Variants in JAKMIP2 observed in about 807,000 individuals in gnomAD.
JAKMIP2 encodes janus kinase and microtubule interacting protein 2.
Under a neutral mutation model 115.0 loss-of-function variants are expected in JAKMIP2, and 25 were observed. That is an observed-to-expected ratio of 0.22 (90% confidence interval 0.16 to 0.30). The LOEUF (loss-of-function observed/expected upper bound fraction) is 0.30. JAKMIP2 is among the 10% of genes least tolerant of loss of function. The pLI, the probability that JAKMIP2 is intolerant of heterozygous loss-of-function variation, is 1.00. For synonymous variants in JAKMIP2, 334 were observed against 343.6 expected (o/e 0.97, Z 0.31); for missense variants, 642 against 957.6 (o/e 0.67, Z 4.35).
chr5:147,611,146 A>G (rs767406133), intron 20 of JAKMIP2, among the ~76,000 whole-genome samples: 4 of 152,166 alleles, frequency 2.6e-5, no homozygotes, highest in Non-Finnish European at 5.9e-5. Context: ...CCGCTGAGCA[A>G]GACCACTTGG....
chr5:147,661,425 C>G lies in JAKMIP2; in HGVS notation c.150G>C (p.Glu50Asp). ...GAATCCTCTTCGCTTCTTGAGTCTTCTCTCTTTCAAGCTTTGATACCTAAA... is the reference window on the plus strand; with the variant it reads ...GAATCCTCTTCGCTTCTTGAGTCTTGTCTCTTTCAAGCTTTGATACCTAAA... ...EKSKVSKLER[E>D]KTQEAKRIRE... is the part of the protein sequence containing the mutation. Residue 50 changes from glutamate to aspartate, a missense_variant, in exon 3 of 22, where the codon GAG (glutamate) becomes GAC (aspartate). This residue lies in a region of JAKMIP2 where 439 missense variants were observed against 570.9 expected (regional missense o/e 0.77). Coordinates refer to ENST00000616793, the MANE Select transcript of JAKMIP2 (RefSeq NM_001270941.2). The G allele has an allele frequency of 4.3e-6, 7 of 1,612,100 alleles. No individual in the cohort carries two copies. The highest frequency in any genetic ancestry group is 5.9e-6 in the Non-Finnish European group (7 of 1,179,422).
Position 147,746,152 on chromosome 5 carries a change from T to C in JAKMIP2, c.-149+36304A>G, listed in dbSNP as rs984222352. Among the ~76,000 whole-genome samples the C allele has an allele frequency of 3.3e-5, 5 of 152,168 alleles. No homozygotes were observed. In the East Asian group the frequency reaches 7.7e-4, roughly 23 times the overall value. On this transcript the variant is annotated intron_variant, in intron 1 of 21. Coordinates refer to ENST00000616793, the MANE Select transcript of JAKMIP2 (RefSeq NM_001270941.2). The stretch of plus-strand genomic sequence containing the variant: ...TATGCAGTTAGAAAGAACTGGACTT[T>C]TGCATGCATCAGACTCAGCCAGAGG...
rs1481761147 is a variant in JAKMIP2 at position 147,590,756 on chromosome 5, G to A, written c.*951C>T. 6.6e-6 allele frequency: 1 copy of A among 152,148 alleles called. No individual in the cohort carries two copies. The highest frequency in any genetic ancestry group is 1.5e-5 in the Non-Finnish European group (1 of 68,024). 9.4% of individuals were successfully genotyped at this position (152,148 alleles called of 1,614,324 possible). ...GATTCAGAGATGCTCTCTGGCCCAT[G>A]TTCCCTATAGATGTTGGCGTTCTAA... On this transcript the variant is annotated 3_prime_UTR_variant, in exon 22 of 22. Coordinates refer to ENST00000616793, the MANE Select transcript of JAKMIP2 (RefSeq NM_001270941.2).
chr5:147,758,031 A>G (rs1254490164), intron 1 of JAKMIP2, among the ~76,000 whole-genome samples: 1 of 152,122 alleles, frequency 6.6e-6, no homozygotes, highest in African/African-American at 2.4e-5. Context: ...TAACTTACAA[A>G]GGATAAATTT....
chr5:147,686,871 T>A (rs1053970947), intron 1 of JAKMIP2, among the ~76,000 whole-genome samples: 1 of 152,204 alleles, frequency 6.6e-6, no homozygotes, highest in Admixed American at 6.5e-5. Context: ...ACCTGGCACA[T>A]GAAACTAGGA....
chr5:147,648,905 GAGT>G (rs1294772752), intron 4 of JAKMIP2, among the ~76,000 whole-genome samples: 1 of 152,178 alleles, frequency 6.6e-6, no homozygotes, highest in Non-Finnish European at 1.5e-5. Flanking sequence ...AGAGGGGAGA[GAGT>G]AGGAGGTAGG....
At chr5:147,615,914 CTG>C (rs1756551797) in intron 19 of JAKMIP2, among the ~76,000 whole-genome samples, 1 of 152,022 alleles carries the variant, frequency 6.6e-6, no homozygotes, top group Non-Finnish European at 1.5e-5. Flanking sequence ...ATGAAAGGTC[CTG>C]CACGTGCCTG....
chr5:147,727,965 T>C (rs1293431811), intron 1 of JAKMIP2, among the ~76,000 whole-genome samples: 2 of 152,200 alleles, frequency 1.3e-5, no homozygotes, highest in African/African-American at 4.8e-5. Context: ...GGCCACAGAC[T>C]GCGTTTTGGG....
intron 1 of JAKMIP2, among the ~76,000 whole-genome samples, chr5:147,757,903 C>T (rs1430247692): frequency 6.6e-6 from 1 of 152,032 alleles, no homozygotes; most frequent in Non-Finnish European, 1.5e-5. Context: ...GGTTCTGTTT[C>T]TTCTTTTTTG....
At chr5:147,623,997 G>A (rs1312319379) in intron 16 of JAKMIP2, among the ~76,000 whole-genome samples, 4 of 151,918 alleles carry the variant, frequency 2.6e-5, no homozygotes, top group African/African-American at 9.7e-5. Context: ...ACCACGCCTG[G>A]CTAATTTTTG....
At chr5:147,622,458 C>T (rs74583623) in intron 17 of JAKMIP2, among the ~76,000 whole-genome samples, 13,656 of 152,250 alleles carry the variant, frequency 0.09, 808 homozygotes, top group Non-Finnish European at 0.14. Context: ...CTGTCTGTTT[C>T]TAAGTTGGAT....
At chr5:147,702,694 A>AAAGAGAAAG (rs1268203224) in intron 1 of JAKMIP2, among the ~76,000 whole-genome samples, 4 of 141,226 alleles carry the variant, frequency 2.8e-5, no homozygotes, top group African/African-American at 1.2e-4. Flanking sequence ...GAAAGAAAAG[A>AAAGAGAAAG]AAAGAAAAGA....
At chr5:147,674,304 A>G (rs1759803136) in intron 1 of JAKMIP2, among the ~76,000 whole-genome samples, 1 of 152,208 alleles carries the variant, frequency 6.6e-6, no homozygotes, top group African/African-American at 2.4e-5. Flanking sequence ...CGCTTTGGCC[A>G]ATTTCCCTCA....
At position 147,661,233 on chromosome 5, in the gene JAKMIP2, G is replaced by C. The variant is rs1379834776; in HGVS notation, c.342C>G (p.Leu114=). 6.2e-7 allele frequency: 1 copy of C among 1,613,836 alleles called. No individual in the cohort carries two copies. The highest frequency in any genetic ancestry group is 8.5e-7 in the Non-Finnish European group (1 of 1,180,008). ...VKVRDGEIQR[L]KSALCALRDG... is the part of the protein sequence containing the mutation. ...CGCGGAGAGCACAGAGAGCAGACTT[G>C]AGCCTCTGGATCTCTCCATCACGTA... Residue 114 remains leucine (L), a synonymous_variant, in exon 3 of 22, where the codon CTC becomes CTG. Transcript: ENST00000616793.
intron 1 of JAKMIP2, among the ~76,000 whole-genome samples, chr5:147,675,754 G>C (rs1332747424): frequency 6.8e-6 from 1 of 148,100 alleles, no homozygotes; most frequent in Non-Finnish European, 1.5e-5. Context: ...GTCTGTTCTG[G>C]ACATTTTGTA....
intron 1 of JAKMIP2, among the ~76,000 whole-genome samples, chr5:147,708,814 G>A (rs1752675214): frequency 6.6e-6 from 1 of 152,178 alleles, no homozygotes. Flanking sequence ...TAACATTGTA[G>A]GTTCCTGGGT....
Position 147,644,951 on chromosome 5 carries a change from C to T in JAKMIP2, c.982G>A (p.Glu328Lys), listed in dbSNP as rs759390607. The T allele has an allele frequency of 2.5e-6, 4 of 1,613,722 alleles. No homozygotes were observed. The highest frequency in any genetic ancestry group is 1.1e-5 in the South Asian group (1 of 91,038). Residue 328 changes from glutamate to lysine, a missense_variant, in exon 6 of 22, where the codon GAA (glutamate) becomes AAA (lysine). Glu to Lys is a moderately conservative substitution (Grantham distance 56, BLOSUM62 1). This residue lies in a region of JAKMIP2 where 439 missense variants were observed against 570.9 expected (regional missense o/e 0.77). Coordinates refer to ENST00000616793, the MANE Select transcript of JAKMIP2 (RefSeq NM_001270941.2). ...ETEKQCKPLLERNKCLAKRND... is the reference protein window; with the variant it reads ...ETEKQCKPLLKRNKCLAKRND... ...CTCTTGGCGAGGCACTTGTTCCTTT[C>T]CAGGAGAGGTTTACATTGCTTTTCG... is the stretch of plus-strand genomic sequence containing the variant.
chr5:147,650,673 G>A (rs918569104), intron 3 of JAKMIP2, 126 bp from the exon 4 acceptor site: 1 of 720,430 alleles, frequency 1.4e-6, no homozygotes, highest in African/African-American at 1.8e-5. Context: ...TTTGATAAGT[G>A]TATTGGTTTC....
At chr5:147,612,209 C>T (rs1415125664) in intron 20 of JAKMIP2, 97 bp downstream of exon 20, 3 of 866,472 alleles carry the variant, frequency 3.5e-6, no homozygotes, top group Non-Finnish European at 5.9e-6. Context: ...GCAAGACACA[C>T]AATAACTGAG....
Sources: gnomAD v4.1 joint callset for allele counts (sites outside exome capture counted in the v4.1 genomes callset) on GRCh38, gnomAD v4.1.1 for gene constraint, gnomAD v4.1.1 regional missense constraint, MANE v1.5 for transcripts, NCBI Gene and HGNC (gene_info 2026-07-23, HGNC 2026-07-21) for gene names.